CDYL2: variants seen among roughly 807,000 people sequenced by gnomAD.
CDYL2 encodes chromodomain Y-like protein 2.
Under a neutral mutation model 49.4 loss-of-function variants are expected in CDYL2, and 23 were observed. The ratio of observed to expected loss-of-function variants is 0.47; its 90% confidence interval spans 0.34 to 0.66. The LOEUF (loss-of-function observed/expected upper bound fraction) is 0.66. Ranked by LOEUF, CDYL2 falls within the 30% of genes least tolerant of loss-of-function variation. CDYL2 has a pLI of 0.01. For missense variants in CDYL2, 678 were observed against 656.4 expected, an observed-to-expected ratio of 1.03 and a Z score of -0.36; for synonymous variants, 360 against 268.8, an observed-to-expected ratio of 1.34 and a Z score of -3.32.
chr16:80,709,477 C>G (rs1469042760), intron 1 of CDYL2, among the ~76,000 whole-genome samples: 2 of 151,600 alleles, frequency 1.3e-5, no homozygotes, highest in Non-Finnish European at 2.9e-5. Flanking sequence ...TTTTCTTGTG[C>G]ACAATTTCGT....
At chr16:80,728,780 G>C (rs1377599334) in intron 1 of CDYL2, among the ~76,000 whole-genome samples, 4 of 152,122 alleles carry the variant, frequency 2.6e-5, no homozygotes, top group Non-Finnish European at 4.4e-5. Flanking sequence ...AGCCAGAAGA[G>C]AGTGGGGGCC....
At chr16:80,684,323 G>C (rs1285952811) in intron 2 of CDYL2, among the ~76,000 whole-genome samples, 2 of 152,164 alleles carry the variant, frequency 1.3e-5, no homozygotes, top group African/African-American at 4.8e-5. Flanking sequence ...TGGAGCATCA[G>C]AGGCTTAGCC....
intron 1 of CDYL2, among the ~76,000 whole-genome samples, chr16:80,728,180 A>G (rs1905225573): frequency 2.0e-5 from 3 of 152,148 alleles, no homozygotes; most frequent in Admixed American, 6.5e-5. Context: ...ACCAAAGGCA[A>G]AGAAGTTAAA....
At position 80,633,334 on chromosome 16, in the gene CDYL2, G is replaced by C. The variant is rs116601603; in HGVS notation, c.617-98C>G. On this transcript the variant is annotated intron_variant, in intron 2 of 6. Coordinates refer to ENST00000570137, the MANE Select transcript of CDYL2 (RefSeq NM_152342.4). The stretch of plus-strand genomic sequence containing the variant: ...TTGGGATTTCCAATGGAAAGGTTTG[G>C]ATGTGCTGGGACACACCACCTTCTC... The C allele has an allele frequency of 3.4e-4, 412 of 1,227,702 alleles. 1 individual carries two copies. In the African/African-American group the frequency reaches 5.1e-3, roughly 15 times the overall value. The allele number at this position is 1,227,702 out of a possible 1,614,324, so 76.1% of individuals were successfully genotyped here. A position where few individuals can be genotyped will look rare whatever the true frequency, so the allele number is the denominator to read the frequency against.
chr16:80,642,522 A>G (rs1387846108), intron 2 of CDYL2, among the ~76,000 whole-genome samples: 2 of 152,092 alleles, frequency 1.3e-5, no homozygotes, highest in African/African-American at 4.8e-5. Context: ...AAATGATGAG[A>G]TATAAGATAT....
At chr16:80,726,527 A>C (rs1017588532) in intron 1 of CDYL2, among the ~76,000 whole-genome samples, 1 of 152,260 alleles carries the variant, frequency 6.6e-6, no homozygotes, top group Non-Finnish European at 1.5e-5. Context: ...CATGCAATAC[A>C]TATTTACTGA....
chr16:80,772,381 T>G (rs1906934705), intron 1 of CDYL2, among the ~76,000 whole-genome samples: 1 of 152,176 alleles, frequency 6.6e-6, no homozygotes. Flanking sequence ...CAACAGCACT[T>G]AAGACAAATG....
intron 1 of CDYL2, among the ~76,000 whole-genome samples, chr16:80,741,036 A>G (rs978814512): frequency 3.3e-5 from 5 of 151,716 alleles, no homozygotes; most frequent in African/African-American, 9.7e-5. Flanking sequence ...TCTGAAACAA[A>G]CAAACAAAAA....
chr16:80,762,238 G>A (rs1461840794), intron 1 of CDYL2, among the ~76,000 whole-genome samples: 1 of 152,122 alleles, frequency 6.6e-6, no homozygotes, highest in Non-Finnish European at 1.5e-5. Context: ...GTCCAGAAGC[G>A]CTAGGAATAA....
intron 1 of CDYL2, among the ~76,000 whole-genome samples, chr16:80,714,131 A>G (rs1410682449): frequency 6.6e-6 from 1 of 152,190 alleles, no homozygotes; most frequent in Non-Finnish European, 1.5e-5. Flanking sequence ...TATATATTCA[A>G]ATGTAAACTG....
At chr16:80,680,920 G>A (rs1024977974) in intron 2 of CDYL2, among the ~76,000 whole-genome samples, 5 of 152,080 alleles carry the variant, frequency 3.3e-5, no homozygotes, top group Admixed American at 2.6e-4. Flanking sequence ...AGATACTGAG[G>A]CAGATGGGCC....
intron 4 of CDYL2, among the ~76,000 whole-genome samples, chr16:80,615,268 G>A (rs1452262278): frequency 6.6e-6 from 1 of 152,138 alleles, no homozygotes; most frequent in Non-Finnish European, 1.5e-5. Context: ...ACTGGTTTTT[G>A]CAAGTGCTTT....
intron 1 of CDYL2, among the ~76,000 whole-genome samples, chr16:80,761,079 G>A (rs560932125): frequency 3.9e-5 from 6 of 152,342 alleles, no homozygotes; most frequent in East Asian, 3.9e-4. Context: ...GTCCCACAAA[G>A]GAGAGAGGGT....
At chr16:80,720,017 C>T (rs1027165556) in intron 1 of CDYL2, among the ~76,000 whole-genome samples, 2 of 152,208 alleles carry the variant, frequency 1.3e-5, no homozygotes, top group African/African-American at 4.8e-5. Context: ...CCAACAGTGT[C>T]CCCTCTCCCA....
At chr16:80,744,046 T>A (rs967689060) in intron 1 of CDYL2, among the ~76,000 whole-genome samples, 5 of 60,764 alleles carry the variant, frequency 8.2e-5, no homozygotes, top group African/African-American at 1.8e-4. Context: ...ATTCACCCAT[T>A]TAATATGTTC....
At chr16:80,654,012 G>A (rs1342083303) in intron 2 of CDYL2, among the ~76,000 whole-genome samples, 6 of 152,178 alleles carry the variant, frequency 3.9e-5, no homozygotes, top group African/African-American at 1.4e-4. Context: ...CATGCCAACG[G>A]AAGTTGGAAA....
At chr16:80,746,366 G>C (rs1905930670) in intron 1 of CDYL2, among the ~76,000 whole-genome samples, 1 of 152,174 alleles carries the variant, frequency 6.6e-6, no homozygotes, top group Non-Finnish European at 1.5e-5. Flanking sequence ...GCTGTGGGAA[G>C]AAAAAGGCTT....
At chr16:80,784,646 T>C (rs895566243) in intron 1 of CDYL2, among the ~76,000 whole-genome samples, 13 of 152,188 alleles carry the variant, frequency 8.5e-5, no homozygotes, top group Non-Finnish European at 1.6e-4. Flanking sequence ...AGCCCAGAGC[T>C]TTCTGGAATA....
In CDYL2 at chr16:80,722,725, T is replaced by C. The variant is rs117467057; in HGVS notation, c.25-37596A>G. On this transcript the variant is annotated intron_variant, in intron 1 of 6. Transcript: ENST00000570137. The stretch of plus-strand genomic sequence containing the variant: ...TGACTCTCCAAGATACTGTGCTCCT[T>C]CTTTGTACAGGGCTAGGAGCTGGAA... Among the ~76,000 whole-genome samples, 282 of 152,296 alleles carry C rather than the reference T, an allele frequency of 1.9e-3. 1 individual carries two copies. The highest frequency in any genetic ancestry group is 3.2e-3 in the Admixed American group (49 of 15,300).
Sources: allele counts gnomAD v4.1 joint callset (sites outside exome capture counted in the v4.1 genomes callset), GRCh38; gene constraint gnomAD v4.1.1; transcripts MANE v1.5; gene names NCBI Gene and HGNC (gene_info 2026-07-23, HGNC 2026-07-21).